FAM13C: variants seen among roughly 807,000 people sequenced by gnomAD.
The protein encoded by FAM13C is family with sequence similarity 13 member C, also known as protein FAM13C.
Under a neutral mutation model 73.2 loss-of-function variants are expected in FAM13C, and 37 were observed. The ratio of observed to expected loss-of-function variants is 0.51; its 90% CI spans 0.39 to 0.67. The LOEUF (loss-of-function observed/expected upper bound fraction) is 0.67. FAM13C is among the 30% of genes least tolerant of loss of function. The pLI, the probability that FAM13C is intolerant of heterozygous loss-of-function variation, is 0.00. For missense variants in FAM13C, 589 were observed against 715.6 expected, an observed-to-expected ratio of 0.82 and a Z score of 2.02; for synonymous variants, 246 against 260.9, an observed-to-expected ratio of 0.94 and a Z score of 0.55.
In FAM13C at chr10:59,269,889, GT is replaced by G; in HGVS notation, c.803+9del. On this transcript the variant is annotated intron_variant, in intron 7 of 13. Coordinates refer to ENST00000618804, the MANE Select transcript of FAM13C (RefSeq NM_198215.4). ...ATGAAATGAAGACAATAACAAAACA[GT>G]TTTCTCACATCATAAACTGCTGAGT... is the stretch of plus-strand genomic sequence containing the variant. 5.6e-6 allele frequency: 9 copies of G among 1,613,426 alleles called. No individual in the cohort carries two copies. The highest frequency in any genetic ancestry group is 7.6e-6 in the Non-Finnish European group (9 of 1,179,620).
At chr10:59,255,299 A>T (rs1368150289) in intron 10 of FAM13C, among the ~76,000 whole-genome samples, 1 of 152,160 alleles carries the variant, frequency 6.6e-6, no homozygotes, top group Non-Finnish European at 1.5e-5. Flanking sequence ...TCCCTGAAAA[A>T]AATGTGTAAC....
intron 3 of FAM13C, among the ~76,000 whole-genome samples, chr10:59,342,042 C>T (rs1000291578): frequency 8.5e-5 from 13 of 152,116 alleles, no homozygotes; most frequent in African/African-American, 2.4e-4. Context: ...GTGCCAGGAG[C>T]GATGTCACTT....
At chr10:59,348,222 A>T (rs1273440679) in intron 3 of FAM13C, among the ~76,000 whole-genome samples, 1 of 152,208 alleles carries the variant, frequency 6.6e-6, no homozygotes, top group African/African-American at 2.4e-5. Context: ...GGGAATGATG[A>T]TCCCATAGCA....
intron 3 of FAM13C, among the ~76,000 whole-genome samples, chr10:59,326,767 G>A (rs1374649508): frequency 6.6e-6 from 1 of 152,164 alleles, no homozygotes; most frequent in Non-Finnish European, 1.5e-5. Context: ...TAGGCTTTAA[G>A]TCTTCTAGCT....
chr10:59,266,161 T>C (rs576590427), intron 8 of FAM13C, among the ~76,000 whole-genome samples: 38 of 152,276 alleles, frequency 2.5e-4, no homozygotes, highest in East Asian at 1.5e-3. Context: ...GCATCTTCAG[T>C]TGTCAGATAA....
intron 1 of FAM13C, chr10:59,360,893 C>T: frequency 3.2e-6 from 1 of 314,914 alleles, no homozygotes; most frequent in Non-Finnish European, 6.1e-6. Flanking sequence ...CACGTGAAAT[C>T]TGGAGCTAAG....
chr10:59,361,558 A>C (rs1174308754), intron 1 of FAM13C, among the ~76,000 whole-genome samples: 1 of 152,080 alleles, frequency 6.6e-6, no homozygotes, highest in Non-Finnish European at 1.5e-5. Context: ...CCAGAAGTAA[A>C]CATCATGAAT....
In FAM13C at chr10:59,247,909, T is replaced by C. The variant is rs979266442; in HGVS notation, c.1635-172A>G. 5.0e-6 allele frequency: 3 copies of C among 604,456 alleles called. No individual in the cohort carries two copies. In the African/African-American group the frequency reaches 5.7e-5, roughly 11 times the overall value. 37.4% of individuals were successfully genotyped at this position (604,456 alleles called of 1,614,324 possible). A position where few individuals can be genotyped will look rare whatever the true frequency, so the allele number is the denominator to read the frequency against. On this transcript the variant is annotated intron_variant, in intron 13 of 13. Coordinates refer to ENST00000618804, the MANE Select transcript of FAM13C (RefSeq NM_198215.4). ...ATTCACTCCTTCTTCCATGTGTTAC[T>C]AAGTTTCTAAATAATAGTAACCTTT...
intron 6 of FAM13C, among the ~76,000 whole-genome samples, chr10:59,277,377 T>A (rs745684886): frequency 1.3e-5 from 2 of 152,214 alleles, no homozygotes; most frequent in Non-Finnish European, 2.9e-5. Flanking sequence ...TTTTTTTAAA[T>A]TGAGATCATT....
At chr10:59,314,774 C>T (rs965110888) in intron 4 of FAM13C, among the ~76,000 whole-genome samples, 7 of 152,118 alleles carry the variant, frequency 4.6e-5, no homozygotes, top group African/African-American at 1.7e-4. Context: ...GAATTCTGTG[C>T]TACTGGACCC....
chr10:59,336,609 T>G (rs1852755945), intron 3 of FAM13C, among the ~76,000 whole-genome samples: 1 of 152,196 alleles, frequency 6.6e-6, no homozygotes, highest in African/African-American at 2.4e-5. Context: ...GAAAAACAAA[T>G]AGTGGCCTTT....
At chr10:59,329,060 T>C (rs1851570902) in intron 3 of FAM13C, among the ~76,000 whole-genome samples, 1 of 152,158 alleles carries the variant, frequency 6.6e-6, no homozygotes. Flanking sequence ...TACATTCATG[T>C]CGTAACTAGG....
intron 12 of FAM13C, 56 bp from the exon 13 acceptor site, chr10:59,251,732 C>A: frequency 2.3e-6 from 3 of 1,320,592 alleles, no homozygotes; most frequent in South Asian, 1.4e-5. Flanking sequence ...GAGAGATCAT[C>A]ATGAGCAGAT....
At chr10:59,252,700 C>G in intron 12 of FAM13C, 99 bp downstream of exon 12, 1 of 1,203,440 alleles carries the variant, frequency 8.3e-7, no homozygotes, top group South Asian at 1.3e-5. Context: ...TGACCCACCC[C>G]TTTGAGTCCA....
chr10:59,302,662 A>C, intron 5 of FAM13C, 139 bp downstream of exon 5: 1 of 721,074 alleles, frequency 1.4e-6, no homozygotes, highest in South Asian at 1.8e-5. Flanking sequence ...TTGAACAAAG[A>C]ACTATAAGTA....
intron 3 of FAM13C, among the ~76,000 whole-genome samples, chr10:59,328,345 T>C (rs1387290954): frequency 1.3e-5 from 2 of 152,188 alleles, no homozygotes; most frequent in Non-Finnish European, 2.9e-5. Context: ...TGGTGAAATA[T>C]GATATTTTGT....
At chr10:59,312,729 C>T (rs866284505) in intron 4 of FAM13C, among the ~76,000 whole-genome samples, 10 of 152,192 alleles carry the variant, frequency 6.6e-5, no homozygotes, top group African/African-American at 2.4e-4. Context: ...CGACTTGACA[C>T]AAGATGAACA....
At chr10:59,307,543 T>C (rs1426891424) in intron 4 of FAM13C, among the ~76,000 whole-genome samples, 1 of 152,230 alleles carries the variant, frequency 6.6e-6, no homozygotes, top group Non-Finnish European at 1.5e-5. Flanking sequence ...GGTAGTTAAA[T>C]ACTTCATCCA....
chr10:59,357,856 C>G (rs779052555), intron 1 of FAM13C, among the ~76,000 whole-genome samples: 4 of 152,126 alleles, frequency 2.6e-5, no homozygotes, highest in Non-Finnish European at 5.9e-5. Context: ...AAAAATAAAG[C>G]AAATAAATGC....
Sources: gnomAD v4.1 joint callset for allele counts (sites outside exome capture counted in the v4.1 genomes callset) on GRCh38, gnomAD v4.1.1 for gene constraint, MANE v1.5 for transcripts, NCBI Gene and HGNC (gene_info 2026-07-23, HGNC 2026-07-21) for gene names.